AIFM1: variants seen among roughly 807,000 people sequenced by gnomAD.
AIFM1 encodes the protein apoptosis inducing factor mitochondria associated 1.
A neutral mutation model predicts 51.7 loss-of-function variants in AIFM1; 3 were observed. The observed-to-expected ratio is 0.06, with a 90% CI of 0.03 to 0.15. AIFM1 has a LOEUF of 0.15. Ranked by LOEUF, AIFM1 falls within the 10% of genes least tolerant of loss-of-function variation. The pLI, the probability that AIFM1 is intolerant of heterozygous loss-of-function variation, is 1.00. For synonymous variants in AIFM1, 178 were observed against 179.4 expected, an observed-to-expected ratio of 0.99 and a Z score of 0.06; for missense variants, 330 against 476.8, an observed-to-expected ratio of 0.69 and a Z score of 2.87.
chrX:130,131,611 G>T (rs1603219669), intron 14 of AIFM1, 64 bp downstream of exon 14: 2 of 1,194,140 alleles, frequency 1.7e-6, no homozygotes, highest in South Asian at 3.5e-5. Context: ...GAAACCCCTT[G>T]TTCAGGAGAA....
chrX:130,135,497 C>T (rs951294724), intron 12 of AIFM1, among the ~76,000 whole-genome samples: 2 of 104,491 alleles, frequency 1.9e-5, no homozygotes, highest in South Asian at 4.4e-4. Context: ...AAGGTACCTA[C>T]GTCCTTAGTT....
intron 3 of AIFM1, 120 bp downstream of exon 3, chrX:130,149,349 T>A: frequency 1.7e-6 from 1 of 605,401 alleles, no homozygotes; most frequent in Non-Finnish European, 2.8e-6. Flanking sequence ...ACTTTCTAGA[T>A]GCTTGCAATC....
At chrX:130,164,609 G>T (rs990881939) in intron 1 of AIFM1, among the ~76,000 whole-genome samples, 1 of 111,758 alleles carries the variant, frequency 8.9e-6, no homozygotes, top group Non-Finnish European at 1.9e-5. Flanking sequence ...AACGCAGTAC[G>T]AAAAGAAGCA....
At chrX:130,139,181 A>AC (rs1460787334) in intron 8 of AIFM1, among the ~76,000 whole-genome samples, 1 of 111,108 alleles carries the variant, frequency 9.0e-6, no homozygotes, top group Non-Finnish European at 1.9e-5. Context: ...AAAAAAAAAA[A>AC]ATTAGCCGGT....
rs976992648 is a variant in AIFM1, at chrX:130,140,670, A to G, written c.697-53T>C. The stretch of plus-strand genomic sequence containing the variant: ...GAGGTAGAGATGAATTAGCATTGAA[A>G]AAGTTTTATTGAGATATAATTCACA... On this transcript the variant is annotated intron_variant, in intron 6 of 15. Transcript: ENST00000287295. 15 of 959,006 alleles carry G rather than the reference A, an allele frequency of 1.6e-5. No individual in the cohort carries two copies. The highest frequency in any genetic ancestry group is 2.6e-4 in the Middle Eastern group (1 of 3,843). The allele number at this position is 959,006 out of a possible 1,213,427, so 79.0% of individuals were successfully genotyped here.
Position 130,136,173 on chromosome X carries a change from G to A in AIFM1, c.1177C>T (p.His393Tyr). The change falls in exon 12 of 16, where the codon CAC becomes TAC. Residue 393 changes from histidine (H) to tyrosine (Y), a missense_variant. This residue lies in a region of AIFM1 where 152 missense variants were observed against 292.8 expected (regional missense o/e 0.52). Transcript: ENST00000287295. Reference protein sequence around the residue: ...LKDGRKVETDHIVAAVGLEPN... With the variant: ...LKDGRKVETDYIVAAVGLEPN... ...TCCAGGCCCACAGCTGCCACTATGT[G>A]GTCAGTTTCTACCTGAGGCAAAAAA... is the stretch of plus-strand genomic sequence containing the variant. The A allele has an allele frequency of 8.3e-7, 1 of 1,211,649 alleles. No individual in the cohort carries two copies.
At position 130,130,088 on chromosome X, in the gene AIFM1, G is replaced by A; in HGVS notation, c.1652C>T (p.Pro551Leu). The A allele has an allele frequency of 8.3e-7, 1 of 1,211,810 alleles. No individual in the cohort carries two copies. Among genetic ancestry groups the A allele is most frequent in the Non-Finnish European group, 1.1e-6 (1 of 895,487 alleles). Residue 551 changes from proline (P) to leucine (L), a missense_variant, in exon 15 of 16, where the codon CCA (proline) becomes CTA (leucine). Coordinates refer to ENST00000287295, the MANE Select transcript of AIFM1 (RefSeq NM_004208.4). The stretch of plus-strand genomic sequence containing the variant: ...GTCCTCCCCCTGGACGGGAGCCTGT[G>A]GAACTGCCGGGGTGCTGGGAGGAAT... ...ITIPPSTPAV[P>L]QAPVQGEDYG...
intron 2 of AIFM1, among the ~76,000 whole-genome samples, chrX:130,152,567 T>C (rs748137426): frequency 3.1e-4 from 35 of 111,915 alleles, no homozygotes; most frequent in Non-Finnish European, 6.6e-4. Flanking sequence ...GGTCATTTTC[T>C]GAGTGAGGCA....
chrX:130,134,835 G>A (rs750718424), intron 12 of AIFM1, among the ~76,000 whole-genome samples: 2 of 111,334 alleles, frequency 1.8e-5, no homozygotes, highest in South Asian at 3.7e-4. Context: ...TCGCTTAATG[G>A]AATATATAGT....
At chrX:130,129,904 G>T (rs188336041) in intron 15 of AIFM1, 66 bp downstream of exon 15, 2 of 1,164,591 alleles carry the variant, frequency 1.7e-6, no homozygotes, top group East Asian at 3.0e-5. Flanking sequence ...GGCACCCGAT[G>T]AAGTTACAGG....
Position 130,147,930 on chromosome X carries a change from T to C in AIFM1, c.350-54A>G. 8 of 1,201,566 alleles carry C rather than the reference T, an allele frequency of 6.7e-6. No individual in the cohort carries two copies. The South Asian group carries it at 1.2e-4, about 19-fold the overall frequency. The stretch of plus-strand genomic sequence containing the variant: ...TCTTCTTGAAGTCTCAGATGATTCT[T>C]TGCCACTGTTAAAAAAAAATCACCT... On this transcript the variant is annotated intron_variant, in intron 3 of 15. Coordinates refer to ENST00000287295, the MANE Select transcript of AIFM1 (RefSeq NM_004208.4).
chrX:130,159,828 C>CT (rs1423049501), intron 1 of AIFM1, among the ~76,000 whole-genome samples: 26 of 101,945 alleles, frequency 2.6e-4, no homozygotes, highest in East Asian at 6.0e-4. Flanking sequence ...AGTAAATGGA[C>CT]TTTTTTTTTT....
rs1334331109 is a variant in AIFM1 at position 130,130,024 on chromosome X, C to G, written c.1716G>C (p.Val572=). ...TGTTCCATAGCACAATCCCCACGAC[C>G]ACTTTGTCCCTGAGGTAGAAGATGA... The part of the protein sequence containing the change: ...KGVIFYLRDK[V]VVGIVLWNIF... The change falls in exon 15 of 16, where the codon GTG becomes GTC. Residue 572 remains valine (V), a synonymous_variant. Transcript: ENST00000287295. 1 of 1,211,750 alleles carries G rather than the reference C, an allele frequency of 8.3e-7. No homozygotes were observed. The highest frequency in any genetic ancestry group is 1.1e-6 in the Non-Finnish European group (1 of 895,549).
At chrX:130,136,612 C>A (rs1441421998) in intron 11 of AIFM1, 31 bp downstream of exon 11, 5 of 1,161,716 alleles carry the variant, frequency 4.3e-6, no homozygotes, top group Non-Finnish European at 5.9e-6. Flanking sequence ...AACTGGAAGG[C>A]CTCTTGGCAG....
chrX:130,132,962 G>C (rs1246300912), intron 13 of AIFM1, among the ~76,000 whole-genome samples: 1 of 110,853 alleles, frequency 9.0e-6, no homozygotes, highest in Non-Finnish European at 1.9e-5. Context: ...GGTCAGGCTG[G>C]TCTCAAACTC....
intron 9 of AIFM1, 129 bp downstream of exon 9, chrX:130,138,464 C>CA (rs1454463529): frequency 1.3e-3 from 659 of 517,206 alleles, no homozygotes; most frequent in Middle Eastern, 3.5e-3. Flanking sequence ...GACTCCATCT[C>CA]AAAAAAAAAT....
In AIFM1 at chrX:130,147,772, C is replaced by T; in HGVS notation, c.454G>A (p.Ala152Thr). 1 of 1,212,039 alleles carries T rather than the reference C, an allele frequency of 8.3e-7. No homozygotes were observed. The part of the protein sequence containing the change: ...AAFAAARSIR[A>T]RDPGARVLIV... ...CTTACCCTGGCCCCAGGATCCCGAGCCCGGATGGATCTGGCTGCAGCAAAA... is the reference window on the plus strand; with the variant it reads ...CTTACCCTGGCCCCAGGATCCCGAGTCCGGATGGATCTGGCTGCAGCAAAA... The change falls in exon 4 of 16, where the codon GCT (alanine) becomes ACT (threonine). Residue 152 changes from alanine (A) to threonine (T), a missense_variant. By Grantham distance (58) the Ala-to-Thr change is moderately conservative (BLOSUM62 0). Around this residue, in one of 4 missense-constraint regions of AIFM1, gnomAD observed 152 missense variants for 292.8 expected, o/e 0.52. Coordinates refer to ENST00000287295, the MANE Select transcript of AIFM1 (RefSeq NM_004208.4).
chrX:130,158,079 A>G (rs1034182275), intron 1 of AIFM1, among the ~76,000 whole-genome samples: 1 of 110,116 alleles, frequency 9.1e-6, no homozygotes, highest in Non-Finnish European at 1.9e-5. Flanking sequence ...CCTGACCAAC[A>G]TGGAGAAACC....
At chrX:130,129,693 A>G (rs190512225) in intron 15 of AIFM1, 65 bp from the exon 16 acceptor site, 1 of 1,030,748 alleles carries the variant, frequency 9.7e-7, no homozygotes, top group African/African-American at 1.8e-5. Context: ...ATGCCCACAC[A>G]ATGGGGCTAC....
Sources: allele counts gnomAD v4.1 joint callset (sites outside exome capture counted in the v4.1 genomes callset), GRCh38; gene constraint gnomAD v4.1.1; regional missense constraint gnomAD v4.1.1; transcripts MANE v1.5; gene names NCBI Gene and HGNC (gene_info 2026-07-23, HGNC 2026-07-21).